Variants in PDE6D observed in about 807,000 individuals in gnomAD.
PDE6D encodes phosphodiesterase 6D, also known as retinal rod rhodopsin-sensitive cGMP 3',5'-cyclic phosphodiesterase subunit delta.
A neutral mutation model predicts 21.9 loss-of-function variants in PDE6D; 10 were observed. The observed-to-expected ratio is 0.46, with a 90% CI of 0.28 to 0.78. The LOEUF (loss-of-function observed/expected upper bound fraction) is 0.78. Among genes scored for constraint, PDE6D ranks in the 30% least tolerant of loss-of-function variants. The pLI is 0.12. For missense variants in PDE6D, 139 were observed against 184.8 expected (o/e 0.75, Z 1.44); for synonymous variants, 59 against 63.5 (o/e 0.93, Z 0.34).
intron 1 of PDE6D, among the ~76,000 whole-genome samples, chr2:231,766,000 CCTT>C (rs776424995): frequency 5.9e-5 from 9 of 152,200 alleles, no homozygotes; most frequent in Non-Finnish European, 1.3e-4. Context: ...GCCTTTAGTT[CCTT>C]CTTAAGGACC....
intron 1 of PDE6D, chr2:231,768,777 T>C (rs2048992407): frequency 6.6e-6 from 1 of 152,256 alleles, no homozygotes; most frequent in Non-Finnish European, 1.5e-5. Flanking sequence ...TACTTGATAC[T>C]ACTCGGCATG....
rs151071220 is a variant in PDE6D at position 231,753,693 on chromosome 2, T to G, written c.51-14505A>C. Reference sequence around the variant, plus strand: ...AATAAATTAAATAACAAATAAAAAATGTAAAAAACCCCTCTAGTCTGGCTT... The same window carrying G: ...AATAAATTAAATAACAAATAAAAAAGGTAAAAAACCCCTCTAGTCTGGCTT... On this transcript the variant is annotated intron_variant, in intron 1 of 4. Transcript: ENST00000287600. 5.9e-5 allele frequency among the ~76,000 whole-genome samples: 9 copies of G among 152,274 alleles called. No individual in the cohort carries two copies. In the East Asian group the frequency reaches 1.5e-3, roughly 26 times the overall value.
intron 1 of PDE6D, among the ~76,000 whole-genome samples, chr2:231,750,690 T>G (rs1028916177): frequency 7.1e-6 from 1 of 141,412 alleles, no homozygotes; most frequent in Non-Finnish European, 1.5e-5. Flanking sequence ...TTTTTTTTAG[T>G]ATAGACTGGG....
chr2:231,779,313 C>T (rs1024143982), intron 1 of PDE6D: 2 of 152,168 alleles, frequency 1.3e-5, no homozygotes, highest in African/African-American at 2.4e-5. Context: ...AACTCTTTTC[C>T]GTATTTGTCT....
chr2:231,741,296 T>G (rs1395428478), intron 1 of PDE6D, among the ~76,000 whole-genome samples: 1 of 151,950 alleles, frequency 6.6e-6, no homozygotes, highest in African/African-American at 2.4e-5. Context: ...AAAGGAACCC[T>G]GGAGGGTAGG....
At chr2:231,743,363 G>T (rs1489738290) in intron 1 of PDE6D, among the ~76,000 whole-genome samples, 3 of 148,126 alleles carry the variant, frequency 2.0e-5, no homozygotes, top group African/African-American at 7.6e-5. Flanking sequence ...GGCGGAGGTT[G>T]CAGTGAGCAG....
chr2:231,756,110 CTT>C (rs1229793800), intron 1 of PDE6D, among the ~76,000 whole-genome samples: 2 of 148,002 alleles, frequency 1.4e-5, no homozygotes, highest in African/African-American at 2.4e-5. Flanking sequence ...GAACATTTCT[CTT>C]TTCTTTTCAT....
intron 1 of PDE6D, among the ~76,000 whole-genome samples, chr2:231,779,768 T>C (rs146741759): frequency 1.3e-5 from 2 of 152,350 alleles, no homozygotes; most frequent in East Asian, 3.9e-4. Flanking sequence ...TTAAAAAGCA[T>C]AGATCAATTT....
chr2:231,747,459 T>C (rs1391176683), intron 1 of PDE6D, among the ~76,000 whole-genome samples: 1 of 151,836 alleles, frequency 6.6e-6, no homozygotes, highest in Non-Finnish European at 1.5e-5. Flanking sequence ...GTTCATAAAA[T>C]GTGCTACAAC....
intron 1 of PDE6D, among the ~76,000 whole-genome samples, chr2:231,763,554 A>T (rs2048948106): frequency 6.6e-6 from 1 of 152,316 alleles, no homozygotes; most frequent in South Asian, 2.1e-4. Context: ...TTTTAATAAC[A>T]ATACAGCAGA....
chr2:231,772,667 G>C (rs1004652354), intron 1 of PDE6D, among the ~76,000 whole-genome samples: 5 of 152,150 alleles, frequency 3.3e-5, no homozygotes, highest in Admixed American at 2.0e-4. Context: ...AGTGAGGCCT[G>C]GGAGGCAAAA....
chr2:231,759,330 A>C (rs1015980953), intron 1 of PDE6D, among the ~76,000 whole-genome samples: 3 of 152,072 alleles, frequency 2.0e-5, no homozygotes, highest in African/African-American at 7.2e-5. Context: ...TAAATAAATA[A>C]AGCAATTTTA....
At chr2:231,777,982 T>C (rs1339430107) in intron 1 of PDE6D, among the ~76,000 whole-genome samples, 2 of 152,166 alleles carry the variant, frequency 1.3e-5, no homozygotes, top group African/African-American at 4.8e-5. Context: ...ATTAATAAAT[T>C]TGAGGCCAGG....
intron 4 of PDE6D, among the ~76,000 whole-genome samples, chr2:231,735,951 C>T (rs1278150926): frequency 1.3e-5 from 2 of 151,430 alleles, no homozygotes; most frequent in African/African-American, 4.9e-5. Context: ...TTGCTTGAAC[C>T]TGGGAGGCGG....
rs916043815 is a variant in PDE6D, at chr2:231,781,275, C to T, written c.-161G>A. 3 of 629,928 alleles carry T rather than the reference C, an allele frequency of 4.8e-6. No individual in the cohort carries two copies. The highest frequency in any genetic ancestry group is 2.9e-5 in the East Asian group (1 of 34,352). The allele number at this position is 629,928 out of a possible 1,614,324, so 39.0% of individuals were successfully genotyped here. On this transcript the variant is annotated 5_prime_UTR_variant, in exon 1 of 5. Coordinates refer to ENST00000287600, the MANE Select transcript of PDE6D (RefSeq NM_002601.4). ...GGCCTCTCTCTCCCCTCAGCTCCCG[C>T]TTCTGATCCCTTCTCCTTCCCCCTA...
At chr2:231,762,060 A>G (rs540199092) in intron 1 of PDE6D, among the ~76,000 whole-genome samples, 2 of 152,296 alleles carry the variant, frequency 1.3e-5, no homozygotes, top group South Asian at 2.1e-4. Context: ...TGCCCTTCCT[A>G]ACAATGTTCT....
Position 231,781,178 on chromosome 2 carries a change from AGGAGCCGAGGAT to A in PDE6D, c.-76_-65del. 4.6e-6 allele frequency: 7 copies of A among 1,534,478 alleles called. No individual in the cohort carries two copies. The highest frequency in any genetic ancestry group is 1.1e-5 in the South Asian group (1 of 88,376). Reference sequence around the variant, plus strand: ...CGGCGGAGCCTCGCAGACGGTGCCCAGGAGCCGAGGATGGAGCCGCAGCCCGGCTTGGAGACC... The same window carrying A: ...CGGCGGAGCCTCGCAGACGGTGCCCAGGAGCCGCAGCCCGGCTTGGAGACC... On this transcript the variant is annotated 5_prime_UTR_variant, in exon 1 of 5. Coordinates refer to ENST00000287600, the MANE Select transcript of PDE6D (RefSeq NM_002601.4).
At chr2:231,755,093 G>A (rs1315573762) in intron 1 of PDE6D, among the ~76,000 whole-genome samples, 1 of 152,044 alleles carries the variant, frequency 6.6e-6, no homozygotes, top group Non-Finnish European at 1.5e-5. Flanking sequence ...ACCACATAAG[G>A]ATACGAGAAA....
intron 1 of PDE6D, among the ~76,000 whole-genome samples, chr2:231,759,072 C>T (rs558691951): frequency 5.3e-5 from 8 of 152,056 alleles, no homozygotes; most frequent in African/African-American, 1.9e-4. Context: ...AGTCCCAGCA[C>T]TTTGGGAGGC....
Sources: allele counts gnomAD v4.1 joint callset (sites outside exome capture counted in the v4.1 genomes callset), GRCh38; gene constraint gnomAD v4.1.1; transcripts MANE v1.5; gene names NCBI Gene and HGNC (gene_info 2026-07-23, HGNC 2026-07-21).